The following KMT2C variants were observed in gnomAD, a reference collection of about 807,000 sequenced individuals.
The protein encoded by KMT2C is lysine methyltransferase 2C.
A neutral mutation model predicts 507.9 loss-of-function variants in KMT2C; 88 were observed. The observed-to-expected ratio is 0.17, with a 90% CI of 0.15 to 0.21. KMT2C has a LOEUF of 0.21. KMT2C is among the 10% of genes least tolerant of loss of function. KMT2C has a pLI of 1.00. For missense variants in KMT2C, 4,954 were observed against 5,957.8 expected, an observed-to-expected ratio of 0.83 and a Z score of 5.55; for synonymous variants, 2,049 against 2,080.8, an observed-to-expected ratio of 0.98 and a Z score of 0.42.
chr7:152,284,436 C>A (rs1299945394), intron 6 of KMT2C, among the ~76,000 whole-genome samples: 1 of 152,058 alleles, frequency 6.6e-6, no homozygotes, highest in Non-Finnish European at 1.5e-5. Context: ...ATCTCAAATT[C>A]TTTTATCATA....
intron 1 of KMT2C, among the ~76,000 whole-genome samples, chr7:152,429,620 A>C (rs2116781568): frequency 6.6e-6 from 1 of 151,828 alleles, no homozygotes; most frequent in Admixed American, 6.6e-5. Flanking sequence ...TCCTGGGTTC[A>C]AGCGATTCTC....
intron 51 of KMT2C, among the ~76,000 whole-genome samples, 182 bp downstream of exon 51, chr7:152,150,718 A>C (rs1298561219): frequency 3.9e-5 from 6 of 152,124 alleles, no homozygotes; most frequent in African/African-American, 1.4e-4. Context: ...AACTAAGTTG[A>C]AAGAGTAGCA....
intron 6 of KMT2C, among the ~76,000 whole-genome samples, chr7:152,301,899 T>A (rs550478276): frequency 2.5e-3 from 375 of 152,358 alleles, no homozygotes; most frequent in Non-Finnish European, 3.7e-3. Flanking sequence ...TTCCATTGGT[T>A]GGAGGAGAGA....
chr7:152,334,081 T>TC lies in KMT2C; in HGVS notation c.251-3343dup, dbSNP rs201019038. Among the ~76,000 whole-genome samples the TC allele has an allele frequency of 9.7e-3, 1,438 of 147,552 alleles. 9 individuals are homozygous for TC. The highest frequency in any genetic ancestry group is 0.023 in the African/African-American group (934 of 40,014). On this transcript the variant is annotated intron_variant, in intron 2 of 58. Coordinates refer to ENST00000262189, the MANE Select transcript of KMT2C (RefSeq NM_170606.3). The stretch of plus-strand genomic sequence containing the variant: ...TGAGAGAAAATAAATACAATTTGAA[T>TC]CCCCCCCCAAAAAAAAAGGTATTCA...
intron 38 of KMT2C, 152 bp downstream of exon 38, chr7:152,176,039 T>C: frequency 2.3e-6 from 2 of 861,764 alleles, no homozygotes; most frequent in Non-Finnish European, 3.5e-6. Context: ...TGAGACTCCG[T>C]CTCAAAACAA....
intron 1 of KMT2C, among the ~76,000 whole-genome samples, chr7:152,366,534 C>A (rs2097245730): frequency 6.6e-6 from 1 of 152,042 alleles, no homozygotes; most frequent in South Asian, 2.1e-4. Flanking sequence ...ATATAAGGTA[C>A]TAAGAGTAGC....
At position 152,293,328 on chromosome 7, in the gene KMT2C, C is replaced by T. The variant is rs901746347; in HGVS notation, c.849+16638G>A. Among the ~76,000 whole-genome samples the T allele has an allele frequency of 2.0e-5, 3 of 152,120 alleles. No homozygotes were observed. The East Asian group carries it at 5.8e-4, about 29-fold the overall frequency. ...AAATCAATTTCAAATAGATAAAACA[C>T]ACAATAGTGCACAACTAGAGAAATA... On this transcript the variant is annotated intron_variant, in intron 6 of 58. Coordinates refer to ENST00000262189, the MANE Select transcript of KMT2C (RefSeq NM_170606.3).
intron 40 of KMT2C, 122 bp from the exon 41 acceptor site, chr7:152,169,371 T>A (rs1023546735): frequency 1.6e-6 from 1 of 640,852 alleles, no homozygotes; most frequent in Non-Finnish European, 2.7e-6. Flanking sequence ...TCCTAAGATA[T>A]CTTTTAAAGG....
At chr7:152,260,754 A>G (rs564519739) in intron 9 of KMT2C, among the ~76,000 whole-genome samples, 1 of 152,382 alleles carries the variant, frequency 6.6e-6, no homozygotes, top group African/African-American at 2.4e-5. Flanking sequence ...AATTATTTTT[A>G]AAGGAACATA....
At chr7:152,196,120 A>G in intron 27 of KMT2C, 109 bp from the exon 28 acceptor site, 1 of 484,246 alleles carries the variant, frequency 2.1e-6, no homozygotes, top group Non-Finnish European at 3.6e-6. Context: ...GTACTGGAAT[A>G]AAAACCTGAG....
intron 18 of KMT2C, among the ~76,000 whole-genome samples, chr7:152,229,307 T>C (rs1303309563): frequency 6.6e-6 from 1 of 152,058 alleles, no homozygotes; most frequent in Non-Finnish European, 1.5e-5. Context: ...ACTGAGTTCT[T>C]AAAAAGAAAA....
chr7:152,235,359 G>C (rs1181426726), intron 16 of KMT2C, among the ~76,000 whole-genome samples: 2 of 151,920 alleles, frequency 1.3e-5, no homozygotes, highest in African/African-American at 4.8e-5. Context: ...TAGTAAACTT[G>C]AACAATTTCA....
chr7:152,156,179 G>A (rs2129099761), intron 45 of KMT2C, 26 bp downstream of exon 45: 3 of 1,611,414 alleles, frequency 1.9e-6, no homozygotes, highest in Non-Finnish European at 2.5e-6. Context: ...TCTCCGAGGT[G>A]TGAAATTTGG....
rs1233786825 is a variant in KMT2C at position 152,174,482 on chromosome 7, TA to T, written c.9263-241del. Among the ~76,000 whole-genome samples, 3 of 152,284 alleles carry T rather than the reference TA, an allele frequency of 2.0e-5. No individual in the cohort carries two copies. The South Asian group carries it at 6.2e-4, about 32-fold the overall frequency. On this transcript the variant is annotated intron_variant, in intron 38 of 58. Transcript: ENST00000262189. The stretch of plus-strand genomic sequence containing the variant: ...CAAGTTTAAGGGAGATTATAAGCAA[TA>T]ATCTAAAGCAATGCAATTAATTTCC...
At chr7:152,210,216 A>G (rs1456885983) in intron 23 of KMT2C, among the ~76,000 whole-genome samples, 1 of 152,242 alleles carries the variant, frequency 6.6e-6, no homozygotes, top group African/African-American at 2.4e-5. Context: ...GAACCTGAGC[A>G]GTTCAAGAAG....
intron 1 of KMT2C, among the ~76,000 whole-genome samples, chr7:152,395,583 C>T (rs1451031858): frequency 6.6e-6 from 1 of 152,182 alleles, no homozygotes; most frequent in African/African-American, 2.4e-5. Context: ...TCTTGGCTCA[C>T]TGCAACCTCC....
intron 39 of KMT2C, among the ~76,000 whole-genome samples, chr7:152,172,805 G>A (rs1344127965): frequency 6.6e-6 from 1 of 152,120 alleles, no homozygotes; most frequent in East Asian, 1.9e-4. Flanking sequence ...ATAGAAGACA[G>A]ATTATTTTCC....
chr7:152,157,327 CAAAA>C (rs5888464), intron 44 of KMT2C, among the ~76,000 whole-genome samples: 2 of 58,948 alleles, frequency 3.4e-5, no homozygotes, highest in African/African-American at 6.4e-5. Context: ...GACCCTGTCT[CAAAA>C]AAAAAAAAAA....
At chr7:152,368,285 G>A in intron 1 of KMT2C, 1 of 1,139,152 alleles carries the variant, frequency 8.8e-7, no homozygotes. Flanking sequence ...TACAGAAGCA[G>A]AAAACTGGCA....
Sources: gnomAD v4.1 joint callset for allele counts (sites outside exome capture counted in the v4.1 genomes callset) on GRCh38, gnomAD v4.1.1 for gene constraint, MANE v1.5 for transcripts, NCBI Gene and HGNC (gene_info 2026-07-23, HGNC 2026-07-21) for gene names.